Variants in FRMD5 observed in about 807,000 individuals in gnomAD.
FRMD5 encodes FERM domain-containing protein 5.
A neutral mutation model predicts 69.0 loss-of-function variants in FRMD5; 20 were observed. The ratio of observed to expected loss-of-function variants is 0.29; its 90% confidence interval spans 0.20 to 0.42. The LOEUF is 0.42. Among genes scored for constraint, FRMD5 ranks in the 10% least tolerant of loss-of-function variants. FRMD5 has a pLI of 1.00. For missense variants in FRMD5, 595 were observed against 708.6 expected, an observed-to-expected ratio of 0.84 and a Z score of 1.82; for synonymous variants, 271 against 260.1, an observed-to-expected ratio of 1.04 and a Z score of -0.40.
intron 1 of FRMD5, among the ~76,000 whole-genome samples, chr15:44,007,780 G>T (rs1392381021): frequency 2.0e-5 from 3 of 151,134 alleles, no homozygotes; most frequent in Non-Finnish European, 4.4e-5. Context: ...CAAGTAGCTG[G>T]GATTATAGGC....
chr15:44,081,342 T>C (rs984128344), intron 1 of FRMD5, among the ~76,000 whole-genome samples: 1 of 152,154 alleles, frequency 6.6e-6, no homozygotes, highest in African/African-American at 2.4e-5. Context: ...TCCTCAACTA[T>C]GAACTTGGGA....
intron 13 of FRMD5, among the ~76,000 whole-genome samples, chr15:43,880,217 G>A (rs1036245748): frequency 6.6e-6 from 1 of 152,214 alleles, no homozygotes; most frequent in Admixed American, 6.5e-5. Flanking sequence ...AGTGGGAGGA[G>A]GTAGTCTCTG....
intron 1 of FRMD5, among the ~76,000 whole-genome samples, chr15:43,982,629 T>C (rs913114601): frequency 6.6e-6 from 1 of 152,216 alleles, no homozygotes; most frequent in African/African-American, 2.4e-5. Flanking sequence ...TCATCTGCAT[T>C]AAGAATTCAA....
chr15:43,902,527 C>G (rs942835016), intron 6 of FRMD5, among the ~76,000 whole-genome samples: 6 of 151,824 alleles, frequency 4.0e-5, no homozygotes, highest in Non-Finnish European at 8.8e-5. Flanking sequence ...GTGGCAGCAC[C>G]ATCTTAACTC....
chr15:44,027,564 G>T (rs8041487), intron 1 of FRMD5, among the ~76,000 whole-genome samples: 136,892 of 151,844 alleles, frequency 0.9, 62,262 homozygotes, highest in East Asian at 1. Context: ...CAACAGCCCT[G>T]ATTTTGGTCA....
At chr15:43,951,159 A>G (rs570651010) in intron 1 of FRMD5, among the ~76,000 whole-genome samples, 2 of 152,012 alleles carry the variant, frequency 1.3e-5, no homozygotes, top group Admixed American at 1.3e-4. Flanking sequence ...GGTGGCTCAC[A>G]CCTATAATCC....
At chr15:44,193,670 G>A (rs768370866) in intron 1 of FRMD5, among the ~76,000 whole-genome samples, 1 of 152,194 alleles carries the variant, frequency 6.6e-6, no homozygotes, top group South Asian at 2.1e-4. Context: ...CAGCACTTAT[G>A]CCCAGAGCTG....
At chr15:44,186,205 G>C (rs2078098586) in intron 1 of FRMD5, among the ~76,000 whole-genome samples, 1 of 152,160 alleles carries the variant, frequency 6.6e-6, no homozygotes, top group Non-Finnish European at 1.5e-5. Flanking sequence ...GGGATTACAG[G>C]CGTGAGCCAC....
intron 1 of FRMD5, among the ~76,000 whole-genome samples, chr15:43,950,265 G>T (rs1466571149): frequency 6.6e-6 from 1 of 152,192 alleles, no homozygotes; most frequent in East Asian, 1.9e-4. Context: ...GTGAACGAAG[G>T]AGTAGGGTGT....
intron 6 of FRMD5, among the ~76,000 whole-genome samples, 154 bp from the exon 7 acceptor site, chr15:43,902,416 C>A (rs543482889): frequency 6.6e-6 from 1 of 152,128 alleles, no homozygotes; most frequent in African/African-American, 2.4e-5. Context: ...CTTCGAGACT[C>A]CTGCTAGAGT....
intron 4 of FRMD5, among the ~76,000 whole-genome samples, chr15:43,918,458 T>C (rs367839128): frequency 6.6e-6 from 1 of 152,180 alleles, no homozygotes. Context: ...CTTTCCTCCT[T>C]CTTCCCTCCT....
chr15:43,950,224 T>C (rs1595551113), intron 1 of FRMD5, among the ~76,000 whole-genome samples: 1 of 152,172 alleles, frequency 6.6e-6, no homozygotes, highest in African/African-American at 2.4e-5. Flanking sequence ...GTGTATTAGA[T>C]GTGCTTCTGT....
chr15:43,934,118 C>A (rs866207032), intron 1 of FRMD5, among the ~76,000 whole-genome samples: 2 of 152,178 alleles, frequency 1.3e-5, no homozygotes, highest in African/African-American at 4.8e-5. Flanking sequence ...TCCTTTCTCT[C>A]CTTTTCCTGA....
At chr15:44,016,464 T>C (rs1264289660) in intron 1 of FRMD5, among the ~76,000 whole-genome samples, 2 of 152,290 alleles carry the variant, frequency 1.3e-5, no homozygotes, top group Non-Finnish European at 2.9e-5. Flanking sequence ...GGTTCACAAC[T>C]GTAATCCCAG....
intron 1 of FRMD5, among the ~76,000 whole-genome samples, chr15:44,180,784 CA>C (rs1566989229): frequency 6.6e-6 from 1 of 151,666 alleles, no homozygotes. Context: ...GACTCCATCT[CA>C]AAAAAAGAAA....
chr15:43,915,007 G>C (rs781693892), intron 4 of FRMD5, among the ~76,000 whole-genome samples: 1 of 152,146 alleles, frequency 6.6e-6, no homozygotes, highest in Non-Finnish European at 1.5e-5. Flanking sequence ...GATTACAGGC[G>C]TGAGCCACTG....
At chr15:43,961,856 C>T (rs906674140) in intron 1 of FRMD5, among the ~76,000 whole-genome samples, 2 of 151,962 alleles carry the variant, frequency 1.3e-5, no homozygotes, top group Non-Finnish European at 2.9e-5. Context: ...ATTCAACAAC[C>T]CTTCATGCTA....
chr15:43,945,711 G>A (rs1379933889), intron 1 of FRMD5, among the ~76,000 whole-genome samples: 4 of 152,040 alleles, frequency 2.6e-5, no homozygotes, highest in African/African-American at 9.7e-5. Flanking sequence ...GCATATGGAC[G>A]GGAGGGCACA....
rs140725627 is a variant in FRMD5, at chr15:44,147,554, T to A, written c.102+47399A>T. Among the ~76,000 whole-genome samples, 39 of 152,298 alleles carry A rather than the reference T, an allele frequency of 2.6e-4. 2 individuals are homozygous for A. In the East Asian group the frequency reaches 7.5e-3, roughly 29 times the overall value. ...ATGGGAATATCATTGAGTCTGTAAA[T>A]GACTGTGGGCAGTATGGCCATTAAG... On this transcript the variant is annotated intron_variant, in intron 1 of 13. Transcript: ENST00000417257.
Sources: allele counts gnomAD v4.1 joint callset (sites outside exome capture counted in the v4.1 genomes callset), GRCh38; gene constraint gnomAD v4.1.1; transcripts MANE v1.5; gene names NCBI Gene and HGNC (gene_info 2026-07-23, HGNC 2026-07-21).